The following GDPD4 variants were observed in gnomAD, a reference collection of about 807,000 sequenced individuals.
GDPD4 encodes the protein glycerophosphodiester phosphodiesterase 6.
A neutral mutation model predicts 67.8 loss-of-function variants in GDPD4; 60 were observed. That is an observed-to-expected ratio of 0.88 (90% confidence interval 0.72 to 1.10). The LOEUF (loss-of-function observed/expected upper bound fraction) is 1.10, where lower values mean the gene tolerates loss of function less well. Among genes scored for constraint, GDPD4 ranks in the 50% least tolerant of loss-of-function variants. The pLI, the probability that GDPD4 is intolerant of heterozygous loss-of-function variation, is 0.00. For missense variants in GDPD4, 623 were observed against 613.9 expected, an observed-to-expected ratio of 1.01 and a Z score of -0.16; for synonymous variants, 212 against 210.9, an observed-to-expected ratio of 1.00 and a Z score of -0.04.
At chr11:77,258,246 A>G in intron 11 of GDPD4, 140 bp downstream of exon 11, 1 of 747,068 alleles carries the variant, frequency 1.3e-6, no homozygotes, top group South Asian at 1.9e-5. Flanking sequence ...TCCTGCCAAT[A>G]CTATAGTCCT....
At chr11:77,223,571 T>C (rs1456254438) in intron 16 of GDPD4, among the ~76,000 whole-genome samples, 1 of 152,170 alleles carries the variant, frequency 6.6e-6, no homozygotes, top group East Asian at 1.9e-4. Context: ...GGAAGCTTTG[T>C]CTCAGAGGGG....
chr11:77,287,655 AC>A (rs1427226821), intron 1 of GDPD4, among the ~76,000 whole-genome samples: 1 of 152,146 alleles, frequency 6.6e-6, no homozygotes, highest in Non-Finnish European at 1.5e-5. Context: ...TAGTTTTCTC[AC>A]CTCTAAAGTG....
At chr11:77,248,455 C>T (rs1958823162) in intron 11 of GDPD4, among the ~76,000 whole-genome samples, 1 of 152,052 alleles carries the variant, frequency 6.6e-6, no homozygotes, top group African/African-American at 2.4e-5. Context: ...CCTGTCTCGG[C>T]CTCCCAAGTG....
intron 16 of GDPD4, among the ~76,000 whole-genome samples, chr11:77,218,264 G>A (rs928074173): frequency 1.3e-5 from 2 of 152,066 alleles, no homozygotes; most frequent in African/African-American, 4.8e-5. Context: ...AGTTTTTAGT[G>A]ATCAATCATA....
intron 11 of GDPD4, among the ~76,000 whole-genome samples, chr11:77,255,246 G>A (rs1426847138): frequency 6.6e-6 from 1 of 152,176 alleles, no homozygotes; most frequent in East Asian, 1.9e-4. Context: ...ATTCAAAACT[G>A]GAGACAGTTT....
At chr11:77,271,949 A>C (rs1214394575) in intron 5 of GDPD4, among the ~76,000 whole-genome samples, 1 of 152,192 alleles carries the variant, frequency 6.6e-6, no homozygotes, top group African/African-American at 2.4e-5. Context: ...ACAGATGAAA[A>C]AACCTGCCTG....
chr11:77,245,650 G>T, intron 11 of GDPD4, 148 bp from the exon 12 acceptor site: 1 of 616,134 alleles, frequency 1.6e-6, no homozygotes. Context: ...AGGTGACAAG[G>T]AGAGAAATAA....
At chr11:77,270,513 T>G (rs1959206983) in intron 7 of GDPD4, among the ~76,000 whole-genome samples, 1 of 152,072 alleles carries the variant, frequency 6.6e-6, no homozygotes, top group South Asian at 2.1e-4. Context: ...GTTAAGAGAT[T>G]GAGACCATCC....
chr11:77,237,777 A>C (rs1220191302), intron 13 of GDPD4, among the ~76,000 whole-genome samples: 1 of 152,242 alleles, frequency 6.6e-6, no homozygotes, highest in Non-Finnish European at 1.5e-5. Context: ...ATATATCAAC[A>C]TAATTTGTGG....
At chr11:77,278,661 G>A (rs1056355011) in intron 4 of GDPD4, among the ~76,000 whole-genome samples, 5 of 152,170 alleles carry the variant, frequency 3.3e-5, no homozygotes, top group Admixed American at 1.3e-4. Context: ...AGAAAGGAAT[G>A]GTGAAATCAG....
intron 13 of GDPD4, among the ~76,000 whole-genome samples, chr11:77,234,752 G>T (rs1225566826): frequency 6.6e-6 from 1 of 152,168 alleles, no homozygotes; most frequent in Non-Finnish European, 1.5e-5. Flanking sequence ...CACCACTGAT[G>T]GGCAGTTAGG....
intron 11 of GDPD4, among the ~76,000 whole-genome samples, chr11:77,254,340 G>A (rs1290018991): frequency 2.0e-5 from 3 of 152,192 alleles, no homozygotes; most frequent in Non-Finnish European, 4.4e-5. Context: ...TGAGGTGGCA[G>A]GGTCCTGTTG....
In GDPD4 at chr11:77,276,182, T is replaced by G. The variant is rs372083941; in HGVS notation, c.186A>C (p.Leu62=). 9.9e-6 allele frequency: 16 copies of G among 1,613,676 alleles called. No individual in the cohort carries two copies. Among genetic ancestry groups the G allele is most frequent in the Non-Finnish European group, 1.4e-5 (16 of 1,179,576 alleles). The part of the protein sequence containing the change: ...GFLLLWERIE[L]YLHLCHKILI... ...CTACCTTATGACACAAGTGCAGGTA[T>G]AGTTCAATCCTTTCCCAAAGCAACA... The change falls in exon 5 of 17, where the codon CTA becomes CTC. Residue 62 remains leucine, a synonymous_variant. Transcript: ENST00000315938.
chr11:77,292,920 C>T (rs936906811), intron 1 of GDPD4, among the ~76,000 whole-genome samples: 1 of 151,852 alleles, frequency 6.6e-6, no homozygotes, highest in East Asian at 1.9e-4. Flanking sequence ...CTTGAATAGC[C>T]CTTTATCTAT....
intron 11 of GDPD4, among the ~76,000 whole-genome samples, chr11:77,252,151 C>T (rs1413144086): frequency 2.0e-5 from 3 of 151,420 alleles, no homozygotes; most frequent in Non-Finnish European, 4.4e-5. Flanking sequence ...GCAACCTCCC[C>T]CTCCCGGGTT....
intron 3 of GDPD4, among the ~76,000 whole-genome samples, chr11:77,283,061 T>C (rs1959831661): frequency 6.6e-6 from 1 of 152,230 alleles, no homozygotes; most frequent in South Asian, 2.1e-4. Context: ...TCATTGGTAC[T>C]GAGACTTGTG....
Position 77,233,105 on chromosome 11 carries a change from C to A in GDPD4, c.1309G>T (p.Ala437Ser). ...TVNEPWLFSL[A>S]WCSRINSVTT... is the part of the protein sequence containing the mutation. ...ACTGAGTTAATCCTGGAGCACCAGG[C>A]CAGTGAGAAAAGCCAAGGCTCATTG... Residue 437 changes from alanine to serine, a missense_variant, in exon 14 of 17, where the codon GCC becomes TCC. Ala to Ser is a moderately conservative substitution (Grantham distance 99). Coordinates refer to ENST00000315938, the MANE Select transcript of GDPD4 (RefSeq NM_182833.3). 16 of 1,613,552 alleles carry A rather than the reference C, an allele frequency of 9.9e-6. No homozygotes were observed. The highest frequency in any genetic ancestry group is 1.4e-5 in the Non-Finnish European group (16 of 1,179,502).
intron 10 of GDPD4, among the ~76,000 whole-genome samples, chr11:77,264,047 C>G (rs919783641): frequency 2.0e-5 from 3 of 152,068 alleles, no homozygotes; most frequent in Non-Finnish European, 4.4e-5. Context: ...TTTCTGCAAT[C>G]CCCAGAAAAC....
At chr11:77,277,768 C>T (rs1591570956) in intron 4 of GDPD4, among the ~76,000 whole-genome samples, 1 of 151,500 alleles carries the variant, frequency 6.6e-6, no homozygotes, top group Non-Finnish European at 1.5e-5. Context: ...TATTTCTTGC[C>T]TTCTGCTAGC....
Sources: allele counts gnomAD v4.1 joint callset (sites outside exome capture counted in the v4.1 genomes callset), GRCh38; gene constraint gnomAD v4.1.1; transcripts MANE v1.5; gene names NCBI Gene and HGNC (gene_info 2026-07-23, HGNC 2026-07-21).